PPARG: variants seen among roughly 807,000 people sequenced by gnomAD.
PPARG encodes peroxisome proliferator-activated receptor gamma.
In PPARG, 17 loss-of-function variants were observed where a neutral mutation model predicts 39.2. That is an observed-to-expected ratio of 0.43 (90% confidence interval 0.30 to 0.65). The LOEUF is 0.65. Among genes scored for constraint, PPARG ranks in the 30% least tolerant of loss-of-function variants. The pLI is 0.13. For synonymous variants in PPARG, 223 were observed against 215.7 expected (o/e 1.03, Z -0.30); for missense variants, 406 against 585.9 (o/e 0.69, Z 3.17).
chr3:12,388,036 A>C (rs570267668), intron 4 of PPARG, among the ~76,000 whole-genome samples: 1 of 152,314 alleles, frequency 6.6e-6, no homozygotes, highest in East Asian at 1.9e-4. Flanking sequence ...AGTCTTTAAA[A>C]AGCAAGAATC....
At chr3:12,389,474 G>A (rs1348845484) in intron 4 of PPARG, among the ~76,000 whole-genome samples, 1 of 152,158 alleles carries the variant, frequency 6.6e-6, no homozygotes, top group African/African-American at 2.4e-5. Flanking sequence ...AGCAACCAAA[G>A]AGAAAAGGTA....
chr3:12,298,423 ACAGTAATAG>A (rs1419358111), intron 1 of PPARG, among the ~76,000 whole-genome samples: 1 of 151,928 alleles, frequency 6.6e-6, no homozygotes, highest in East Asian at 1.9e-4. Context: ...ACACACACAC[ACAGTAATAG>A]CCTTTGAATG....
intron 2 of PPARG, among the ~76,000 whole-genome samples, chr3:12,374,100 G>C (rs905366981): frequency 2.0e-5 from 3 of 152,164 alleles, no homozygotes; most frequent in African/African-American, 4.8e-5. Flanking sequence ...CTGAGACATA[G>C]AGGGCCTTGA....
chr3:12,329,376 T>G (rs2047787351), intron 2 of PPARG, among the ~76,000 whole-genome samples: 1 of 152,198 alleles, frequency 6.6e-6, no homozygotes, highest in African/African-American at 2.4e-5. Context: ...ATAATTAACA[T>G]GAGCTGTAGA....
chr3:12,366,686 G>A (rs1184749849), intron 2 of PPARG, among the ~76,000 whole-genome samples: 1 of 152,066 alleles, frequency 6.6e-6, no homozygotes, highest in African/African-American at 2.4e-5. Flanking sequence ...CTATGGGTGT[G>A]ATGGATTACA....
At chr3:12,314,330 G>A (rs1403800363) in intron 2 of PPARG, among the ~76,000 whole-genome samples, 3 of 147,734 alleles carry the variant, frequency 2.0e-5, no homozygotes, top group Non-Finnish European at 4.6e-5. Context: ...AGGTGAAACA[G>A]AATATTTGCA....
At chr3:12,396,123 T>C (rs534409670) in intron 5 of PPARG, among the ~76,000 whole-genome samples, 2 of 152,266 alleles carry the variant, frequency 1.3e-5, no homozygotes, top group African/African-American at 4.8e-5. Flanking sequence ...CTTTATTTTT[T>C]ATTATTATTT....
chr3:12,405,773 TGGA>T, intron 5 of PPARG, 106 bp from the exon 6 acceptor site: 2 of 1,110,548 alleles, frequency 1.8e-6, no homozygotes, highest in Non-Finnish European at 2.7e-6. Context: ...TCAAGAGCAG[TGGA>T]GGAGGAGGGC....
intron 6 of PPARG, among the ~76,000 whole-genome samples, chr3:12,409,168 A>C (rs2050785003): frequency 1.3e-5 from 2 of 152,236 alleles, no homozygotes; most frequent in Non-Finnish European, 2.9e-5. Flanking sequence ...ACAGTTGCCT[A>C]TGCCCTTTGA....
intron 2 of PPARG, among the ~76,000 whole-genome samples, chr3:12,375,244 G>GA (rs2049365412): frequency 2.6e-5 from 4 of 151,688 alleles, no homozygotes; most frequent in African/African-American, 9.7e-5. Flanking sequence ...TTGGGGAGGT[G>GA]GGAGAGAGAG....
chr3:12,361,225 T>A (rs926502787), intron 2 of PPARG, among the ~76,000 whole-genome samples: 3 of 152,240 alleles, frequency 2.0e-5, no homozygotes, highest in Non-Finnish European at 4.4e-5. Flanking sequence ...CCTGTTCAAG[T>A]CTTTCACCCA....
intron 4 of PPARG, among the ~76,000 whole-genome samples, chr3:12,386,550 T>C (rs1174716441): frequency 1.3e-5 from 2 of 151,740 alleles, no homozygotes; most frequent in African/African-American, 2.4e-5. Context: ...GTGTCAAAGA[T>C]TTATTTAAAA....
intron 2 of PPARG, among the ~76,000 whole-genome samples, chr3:12,343,114 T>G (rs1291305616): frequency 1.4e-5 from 2 of 147,826 alleles, no homozygotes; most frequent in Non-Finnish European, 2.9e-5. Flanking sequence ...ACACGTTTGT[T>G]GTTTTTGGCT....
intron 6 of PPARG, among the ~76,000 whole-genome samples, chr3:12,407,306 G>A (rs967084750): frequency 6.6e-6 from 1 of 152,110 alleles, no homozygotes; most frequent in Non-Finnish European, 1.5e-5. Flanking sequence ...GATTGCAGGC[G>A]CATGCCACCA....
intron 2 of PPARG, among the ~76,000 whole-genome samples, chr3:12,362,017 A>T (rs1465438540): frequency 6.6e-6 from 1 of 152,014 alleles, no homozygotes; most frequent in East Asian, 1.9e-4. Context: ...TTGAGTTTTC[A>T]TTATGGAGAT....
intron 4 of PPARG, among the ~76,000 whole-genome samples, chr3:12,388,585 G>A (rs2049962036): frequency 6.6e-6 from 1 of 152,144 alleles, no homozygotes; most frequent in East Asian, 1.9e-4. Flanking sequence ...CTTTGTAGGA[G>A]TCCCCCAGTT....
intron 2 of PPARG, chr3:12,371,798 TTATCTGTCAAATGAGAAC>T: frequency 1.6e-6 from 1 of 624,624 alleles, no homozygotes; most frequent in Non-Finnish European, 3.0e-6. Context: ...CTCATTTTCT[TTATCTGTCAAATGAGAAC>T]TCAGATGATC....
intron 2 of PPARG, among the ~76,000 whole-genome samples, chr3:12,321,557 T>A (rs938488975): frequency 6.6e-6 from 1 of 152,240 alleles, no homozygotes; most frequent in Non-Finnish European, 1.5e-5. Flanking sequence ...GTTCAGGTTT[T>A]CCTTATTCCT....
In PPARG at chr3:12,305,205, A is replaced by T. The variant is rs181209512; in HGVS notation, c.-82-7175A>T. Among the ~76,000 whole-genome samples, 23 of 151,890 alleles carry T rather than the reference A, an allele frequency of 1.5e-4. No homozygotes were observed. The East Asian group carries it at 4.5e-3, about 29-fold the overall frequency. On this transcript the variant is annotated intron_variant, in intron 1 of 7. Coordinates refer to ENST00000651735, the MANE Select transcript of PPARG (RefSeq NM_138711.6). ...TCCTTTCCTCTCTTTCCCAATTGCT[A>T]CTGTCTCTGCCTTTGGTTGTCTCTG...
Sources: gnomAD v4.1 joint callset for allele counts (sites outside exome capture counted in the v4.1 genomes callset) on GRCh38, gnomAD v4.1.1 for gene constraint, MANE v1.5 for transcripts, NCBI Gene and HGNC (gene_info 2026-07-23, HGNC 2026-07-21) for gene names.